Variants in UBXN2B observed in about 807,000 individuals in gnomAD.
UBXN2B encodes UBX domain protein 2B.
UBXN2B carries 19 observed loss-of-function variants against 37.5 expected under a neutral mutation model. The observed-to-expected ratio is 0.51, with a 90% CI of 0.35 to 0.74. The LOEUF is 0.74. UBXN2B is among the 30% of genes least tolerant of loss of function. The pLI is 0.01. For synonymous variants in UBXN2B, 145 were observed against 143.8 expected, an observed-to-expected ratio of 1.01 and a Z score of -0.06; for missense variants, 370 against 393.2, an observed-to-expected ratio of 0.94 and a Z score of 0.50.
intron 5 of UBXN2B, 75 bp from the exon 6 acceptor site, chr8:58,439,558 A>G: frequency 6.7e-7 from 1 of 1,491,184 alleles, no homozygotes; most frequent in Non-Finnish European, 8.9e-7. Context: ...CTCATGAAAT[A>G]ATTACAGTAA....
rs34836809 is a variant in UBXN2B at position 58,433,611 on chromosome 8, TA to T, written c.423+388del. ...AAAACATAGCCAGACCCTATCTCTT[TA>T]AAAAAAAAAAAAAAAAAAAGGTGTT... On this transcript the variant is annotated intron_variant, in intron 4 of 7. Coordinates refer to ENST00000399598, the MANE Select transcript of UBXN2B (RefSeq NM_001077619.2). Among the ~76,000 whole-genome samples, 402 of 118,014 alleles carry T rather than the reference TA, an allele frequency of 3.4e-3. 1 individual carries two copies. Among genetic ancestry groups the T allele is most frequent in the East Asian group, 4.6e-3 (19 of 4,128 alleles). The allele number at this position is 118,014 out of a possible 152,430, so 77.4% of individuals were successfully genotyped here. A position where few individuals can be genotyped will look rare whatever the true frequency, so the allele number is the denominator to read the frequency against.
chr8:58,417,393 G>A (rs1056439034), intron 2 of UBXN2B, among the ~76,000 whole-genome samples: 3 of 152,162 alleles, frequency 2.0e-5, no homozygotes, highest in Non-Finnish European at 4.4e-5. Flanking sequence ...GCCACTCCAT[G>A]GAGCCTCTGC....
At chr8:58,427,246 G>A (rs1423356300) in intron 2 of UBXN2B, among the ~76,000 whole-genome samples, 1 of 152,162 alleles carries the variant, frequency 6.6e-6, no homozygotes, top group Non-Finnish European at 1.5e-5. Context: ...AAGCATTGCA[G>A]ATCGCTTGAG....
In UBXN2B at chr8:58,448,558, G is replaced by A. The variant is rs1470682311; in HGVS notation, c.*1007G>A. On this transcript the variant is annotated 3_prime_UTR_variant, in exon 8 of 8. Coordinates refer to ENST00000399598, the MANE Select transcript of UBXN2B (RefSeq NM_001077619.2). ...AATTACAGTTCCTCCCAGAGCTTGCGTTGATCACATTCATTTATTCATTCA... is the reference window on the plus strand; with the variant it reads ...AATTACAGTTCCTCCCAGAGCTTGCATTGATCACATTCATTTATTCATTCA... 10 of 149,832 alleles carry A rather than the reference G, an allele frequency of 6.7e-5. No homozygotes were observed. The highest frequency in any genetic ancestry group is 2.1e-4 in the South Asian group (1 of 4,766). 9.3% of individuals were successfully genotyped at this position (149,832 alleles called of 1,614,324 possible).
intron 2 of UBXN2B, chr8:58,425,308 A>G: frequency 8.6e-7 from 1 of 1,159,306 alleles, no homozygotes; most frequent in Admixed American, 1.7e-5. Flanking sequence ...TTTCGTTGTC[A>G]TGACAATCAC....
intron 2 of UBXN2B, among the ~76,000 whole-genome samples, chr8:58,420,346 T>C (rs993851514): frequency 9.9e-5 from 15 of 152,124 alleles, no homozygotes; most frequent in African/African-American, 3.6e-4. Context: ...TTTAATGTCA[T>C]TTTTTTAAAA....
At chr8:58,421,659 T>C (rs1250307612) in intron 2 of UBXN2B, among the ~76,000 whole-genome samples, 1 of 152,146 alleles carries the variant, frequency 6.6e-6, no homozygotes, top group Non-Finnish European at 1.5e-5. Context: ...TTTCCACACC[T>C]TTTTTTAAAA....
Position 58,438,835 on chromosome 8 carries a change from T to G in UBXN2B, c.534-798T>G, listed in dbSNP as rs376786040. Among the ~76,000 whole-genome samples, 10 of 152,068 alleles carry G rather than the reference T, an allele frequency of 6.6e-5. No homozygotes were observed. The East Asian group carries it at 7.7e-4, about 12-fold the overall frequency. On this transcript the variant is annotated intron_variant, in intron 5 of 7. Coordinates refer to ENST00000399598, the MANE Select transcript of UBXN2B (RefSeq NM_001077619.2). ...GGGGCCAGTGGTGGAATGATATGGT[T>G]TGGATGTTTTGTCCCCTCCAAATCT...
rs920061130 is a variant in UBXN2B, at chr8:58,445,007, A to G, written c.672-900A>G. On this transcript the variant is annotated intron_variant, in intron 6 of 7. Transcript: ENST00000399598. Reference sequence around the variant, plus strand: ...GATACATGCGTGTCTTTCTTCCAGAAGAAAATAATCTATAGGAAACCATCT... The same window carrying G: ...GATACATGCGTGTCTTTCTTCCAGAGGAAAATAATCTATAGGAAACCATCT... Among the ~76,000 whole-genome samples, 5 of 152,354 alleles carry G rather than the reference A, an allele frequency of 3.3e-5. No homozygotes were observed. The East Asian group carries it at 7.7e-4, about 23-fold the overall frequency.
At chr8:58,430,412 G>T (rs1028397959) in intron 2 of UBXN2B, 107 bp from the exon 3 acceptor site, 1 of 758,710 alleles carries the variant, frequency 1.3e-6, no homozygotes, top group Non-Finnish European at 1.9e-6. Flanking sequence ...TCAAAATAAT[G>T]CCTCTTTTTA....
At chr8:58,430,811 T>G in intron 3 of UBXN2B, 142 bp downstream of exon 3, 1 of 692,340 alleles carries the variant, frequency 1.4e-6, no homozygotes. Context: ...TTATAATATT[T>G]CTATTAATGA....
intron 1 of UBXN2B, among the ~76,000 whole-genome samples, chr8:58,415,862 T>C (rs1315090163): frequency 1.3e-5 from 2 of 152,046 alleles, no homozygotes; most frequent in East Asian, 3.8e-4. Context: ...GTAAAAAAAT[T>C]AGAAGTCTTT....
chr8:58,433,413 T>G (rs1192233928), intron 4 of UBXN2B, among the ~76,000 whole-genome samples, 170 bp downstream of exon 4: 1 of 152,192 alleles, frequency 6.6e-6, no homozygotes, highest in Non-Finnish European at 1.5e-5. Context: ...TTATGTTTTG[T>G]ATCACAATTA....
At chr8:58,423,936 A>G (rs1451822946) in intron 2 of UBXN2B, among the ~76,000 whole-genome samples, 4 of 146,360 alleles carry the variant, frequency 2.7e-5, no homozygotes, top group African/African-American at 1.0e-4. Context: ...CATCGGCTGG[A>G]AAAAAAAAAA....
Position 58,433,209 on chromosome 8 carries a change from C to G in UBXN2B, c.389C>G (p.Ser130Cys), listed in dbSNP as rs758982364. 2 of 1,612,346 alleles carry G rather than the reference C, an allele frequency of 1.2e-6. No homozygotes were observed. The highest frequency in any genetic ancestry group is 4.5e-5 in the East Asian group (2 of 44,718). The change falls in exon 4 of 8, where the codon TCT becomes TGT. Residue 130 changes from serine (S) to cysteine (C), a missense_variant. Physicochemically the swap from Ser to Cys is moderately radical, Grantham distance 112 (BLOSUM62 -1). Around this residue, in one of 3 missense-constraint regions of UBXN2B, gnomAD observed 197 missense variants for 170.2 expected, o/e 1.16. Transcript: ENST00000399598. Reference sequence around the variant, plus strand: ...TTGGGTAGTTCTTTTTGTAAGCGGTCTGAATATATCTATGGAGAAAATCAG... The same window carrying G: ...TTGGGTAGTTCTTTTTGTAAGCGGTGTGAATATATCTATGGAGAAAATCAG... ...YRLGSSFCKRSEYIYGENQLQ... is the reference protein window; with the variant it reads ...YRLGSSFCKRCEYIYGENQLQ...
intron 6 of UBXN2B, among the ~76,000 whole-genome samples, chr8:58,440,800 T>C (rs1177844818): frequency 6.6e-6 from 1 of 152,186 alleles, no homozygotes. Context: ...ATTGCTTCTT[T>C]ATGCTTTGCT....
At chr8:58,423,088 CAT>C (rs1214502081) in intron 2 of UBXN2B, among the ~76,000 whole-genome samples, 2 of 142,740 alleles carry the variant, frequency 1.4e-5, no homozygotes, top group African/African-American at 5.4e-5. Context: ...AAATCATCAT[CAT>C]CATCATCATC....
intron 2 of UBXN2B, chr8:58,426,823 C>G (rs1275666085): frequency 3.5e-6 from 2 of 579,472 alleles, no homozygotes; most frequent in Non-Finnish European, 6.5e-6. Flanking sequence ...GCACAGACCC[C>G]CCTCCAGGCC....
At chr8:58,435,397 A>G (rs150997706) in intron 5 of UBXN2B, among the ~76,000 whole-genome samples, 9 of 152,190 alleles carry the variant, frequency 5.9e-5, no homozygotes. Context: ...TACCAAACAA[A>G]GGCAACAAAT....
Sources: allele counts gnomAD v4.1 joint callset (sites outside exome capture counted in the v4.1 genomes callset), GRCh38; gene constraint gnomAD v4.1.1; regional missense constraint gnomAD v4.1.1; transcripts MANE v1.5; gene names NCBI Gene and HGNC (gene_info 2026-07-23, HGNC 2026-07-21).